Variants in HECW2 observed in about 807,000 individuals in gnomAD.
The protein encoded by HECW2 is HECT, C2 and WW domain containing E3 ubiquitin protein ligase 2.
Under a neutral mutation model 175.2 loss-of-function variants are expected in HECW2, and 61 were observed. The ratio of observed to expected loss-of-function variants is 0.35; its 90% CI spans 0.28 to 0.43. The LOEUF is 0.43. HECW2 is among the 20% of genes least tolerant of loss of function. The pLI, the probability that HECW2 is intolerant of heterozygous loss-of-function variation, is 1.00. For synonymous variants in HECW2, 671 were observed against 731.0 expected (o/e 0.92, Z 1.32); for missense variants, 1,524 against 2,000.5 (o/e 0.76, Z 4.54).
chr2:196,515,165 C>T (rs371543184), intron 1 of HECW2, among the ~76,000 whole-genome samples: 3 of 152,230 alleles, frequency 2.0e-5, no homozygotes, highest in South Asian at 4.1e-4. Flanking sequence ...CGCACAGAGC[C>T]GGCACCTGTG....
intron 1 of HECW2, among the ~76,000 whole-genome samples, chr2:196,591,151 T>C (rs1691175424): frequency 6.6e-6 from 1 of 152,204 alleles, no homozygotes; most frequent in African/African-American, 2.4e-5. Flanking sequence ...CAGCCATTCA[T>C]AAAGATTCAT....
intron 19 of HECW2, among the ~76,000 whole-genome samples, chr2:196,248,376 T>G (rs998998616): frequency 6.6e-6 from 1 of 152,112 alleles, no homozygotes; most frequent in Non-Finnish European, 1.5e-5. Context: ...AGAGACAGTG[T>G]CTGTGGCTTT....
intron 1 of HECW2, among the ~76,000 whole-genome samples, chr2:196,552,083 G>A (rs1305105099): frequency 2.6e-5 from 4 of 152,086 alleles, no homozygotes; most frequent in Admixed American, 1.3e-4. Context: ...AGGTCCTACA[G>A]GTAAAGAGGA....
chr2:196,506,768 C>T (rs1267792614), intron 1 of HECW2, among the ~76,000 whole-genome samples: 1 of 152,008 alleles, frequency 6.6e-6, no homozygotes, highest in East Asian at 1.9e-4. Flanking sequence ...AACTGCATAA[C>T]TATTACAATT....
Position 196,257,804 on chromosome 2 carries a change from G to A in HECW2, c.3419+19C>T, listed in dbSNP as rs770504623. ...TGACAAGAGACCTTCTGCTTCAAGA[G>A]TGAGTGTTACGTATGTACCTCAGCA... On this transcript the variant is annotated intron_variant, in intron 18 of 28. Transcript: ENST00000644978. 50 of 1,567,806 alleles carry A rather than the reference G, an allele frequency of 3.2e-5. No homozygotes were observed. The highest frequency in any genetic ancestry group is 3.9e-5 in the Non-Finnish European group (44 of 1,139,154).
At chr2:196,390,676 A>T (rs1010717473) in intron 2 of HECW2, among the ~76,000 whole-genome samples, 5 of 152,150 alleles carry the variant, frequency 3.3e-5, no homozygotes, top group African/African-American at 1.2e-4. Flanking sequence ...TTTTTTATTA[A>T]CACAACAGTT....
At chr2:196,289,036 CT>C (rs1348229809) in intron 14 of HECW2, 2 of 152,280 alleles carry the variant, frequency 1.3e-5, no homozygotes, top group African/African-American at 4.8e-5. Context: ...GAACTAGTGT[CT>C]GGCCCAGGGG....
intron 1 of HECW2, among the ~76,000 whole-genome samples, chr2:196,587,074 G>T (rs997116836): frequency 6.6e-6 from 1 of 152,110 alleles, no homozygotes; most frequent in Non-Finnish European, 1.5e-5. Flanking sequence ...TCAATAATAT[G>T]ACTCATACTT....
chr2:196,229,641 T>C (rs80133116), intron 21 of HECW2, among the ~76,000 whole-genome samples: 3,599 of 152,274 alleles, frequency 0.024, 145 homozygotes, highest in East Asian at 0.18. Flanking sequence ...ATCACGCCAC[T>C]GCACTCCAGC....
intron 14 of HECW2, among the ~76,000 whole-genome samples, chr2:196,283,706 G>A (rs1477664244): frequency 3.9e-5 from 6 of 152,100 alleles, no homozygotes; most frequent in South Asian, 2.1e-4. Context: ...ATGTTAAAAC[G>A]TATATGGGTT....
chr2:196,247,092 C>A (rs13401133), intron 19 of HECW2, among the ~76,000 whole-genome samples: 15,828 of 151,946 alleles, frequency 0.1, 1,506 homozygotes, highest in African/African-American at 0.26. Flanking sequence ...GAAACCCCGT[C>A]TCTACTAAAA....
intron 28 of HECW2, among the ~76,000 whole-genome samples, chr2:196,212,105 G>A (rs914657657): frequency 1.3e-5 from 2 of 152,184 alleles, no homozygotes; most frequent in Non-Finnish European, 2.9e-5. Context: ...CCAAAGTGCT[G>A]GGATTACAGG....
At chr2:196,491,501 T>TATATATAC (rs1171351964) in intron 1 of HECW2, among the ~76,000 whole-genome samples, 5 of 125,976 alleles carry the variant, frequency 4.0e-5, no homozygotes, top group African/African-American at 1.4e-4. Context: ...TATATATATA[T>TATATATAC]ACACACACAC....
rs538355660 is a variant in HECW2 at position 196,508,651 on chromosome 2, T to C, written c.-35-75193A>G. 1.2e-3 allele frequency among the ~76,000 whole-genome samples: 178 copies of C among 152,264 alleles called. 2 individuals are homozygous for C. The highest frequency in any genetic ancestry group is 1.9e-3 in the South Asian group (9 of 4,824). On this transcript the variant is annotated intron_variant, in intron 1 of 28. Transcript: ENST00000644978. ...CTGTGAAGTATGCAAATCACTCCCA[T>C]TGGGGCTCCCCAACCTTCCTCCACT...
intron 14 of HECW2, among the ~76,000 whole-genome samples, chr2:196,279,636 A>G (rs1575347933): frequency 1.3e-5 from 2 of 152,282 alleles, no homozygotes; most frequent in Non-Finnish European, 1.5e-5. Flanking sequence ...ATGGCTATCC[A>G]TTGTCCACAG....
At chr2:196,310,229 A>T (rs1691441035) in intron 10 of HECW2, among the ~76,000 whole-genome samples, 1 of 152,250 alleles carries the variant, frequency 6.6e-6, no homozygotes, top group Non-Finnish European at 1.5e-5. Flanking sequence ...GAGAATAAGA[A>T]AACAAGGACC....
intron 1 of HECW2, among the ~76,000 whole-genome samples, chr2:196,551,946 TA>T (rs1432265682): frequency 4.6e-5 from 7 of 152,324 alleles, no homozygotes; most frequent in African/African-American, 1.7e-4. Context: ...TAGCATTTCT[TA>T]CTGTCAACTA....
chr2:196,326,444 A>G (rs1413645320), intron 5 of HECW2, among the ~76,000 whole-genome samples: 1 of 135,260 alleles, frequency 7.4e-6, no homozygotes, highest in African/African-American at 3.2e-5. Flanking sequence ...TTAAACTAAG[A>G]GCAATTTTTT....
chr2:196,353,012 G>C (rs1258577125), intron 2 of HECW2, among the ~76,000 whole-genome samples: 1 of 152,166 alleles, frequency 6.6e-6, no homozygotes, highest in Non-Finnish European at 1.5e-5. Flanking sequence ...GAAATCCAAA[G>C]TGTTTATGAT....
Sources: allele counts gnomAD v4.1 joint callset (sites outside exome capture counted in the v4.1 genomes callset), GRCh38; gene constraint gnomAD v4.1.1; transcripts MANE v1.5; gene names NCBI Gene and HGNC (gene_info 2026-07-23, HGNC 2026-07-21).